LAMP1: variants seen among roughly 807,000 people sequenced by gnomAD.
The protein encoded by LAMP1 is lysosome-associated membrane glycoprotein 1.
LAMP1 carries 7 observed loss-of-function variants against 37.5 expected under a neutral mutation model. That is an observed-to-expected ratio of 0.19 (90% CI 0.11 to 0.35). The LOEUF (loss-of-function observed/expected upper bound fraction) is 0.35, where lower values mean the gene tolerates loss of function less well. Among genes scored for constraint, LAMP1 ranks in the 10% least tolerant of loss-of-function variants. The pLI, the probability that LAMP1 is intolerant of heterozygous loss-of-function variation, is 1.00. For synonymous variants in LAMP1, 236 were observed against 229.1 expected, an observed-to-expected ratio of 1.03 and a Z score of -0.27; for missense variants, 537 against 552.8, an observed-to-expected ratio of 0.97 and a Z score of 0.29.
At chr13:113,303,513 G>GT (rs1326804455) in intron 1 of LAMP1, among the ~76,000 whole-genome samples, 4 of 151,492 alleles carry the variant, frequency 2.6e-5, no homozygotes, top group Non-Finnish European at 5.9e-5. Flanking sequence ...CTTACTTGAG[G>GT]TTTTTTGTCT....
At chr13:113,298,862 GC>G (rs1716456528) in intron 1 of LAMP1, among the ~76,000 whole-genome samples, 1 of 152,206 alleles carries the variant, frequency 6.6e-6, no homozygotes, top group African/African-American at 2.4e-5. Flanking sequence ...CTCACTTCAG[GC>G]CGGGAGCAGT....
intron 2 of LAMP1, 121 bp from the exon 3 acceptor site, chr13:113,309,522 G>A (rs1218459836): frequency 2.8e-6 from 2 of 724,728 alleles, no homozygotes; most frequent in Admixed American, 5.8e-5. Context: ...GAGTACCTCA[G>A]TAGTGATATC....
In LAMP1 at chr13:113,320,712, G is replaced by C; in HGVS notation, c.876+242G>C. On this transcript the variant is annotated intron_variant, in intron 6 of 8. Transcript: ENST00000332556. This position sits in a 1 kb window ranked among gnomAD's most constrained non-coding sequence, Gnocchi z 4.4. Reference sequence around the variant, plus strand: ...CCACAGTTGGAGTGGCTGCAGGGGAGGGCATGCAGGCCGTGCGGCCTTCTG... The same window carrying C: ...CCACAGTTGGAGTGGCTGCAGGGGACGGCATGCAGGCCGTGCGGCCTTCTG... 1 of 517,302 alleles carries C rather than the reference G, an allele frequency of 1.9e-6. No homozygotes were observed. Among genetic ancestry groups the C allele is most frequent in the Non-Finnish European group, 3.4e-6 (1 of 289,942 alleles). The allele number at this position is 517,302 out of a possible 1,614,324, so 32.0% of individuals were successfully genotyped here. A position where few individuals can be genotyped will look rare whatever the true frequency, so the allele number is the denominator to read the frequency against.
chr13:113,317,169 C>G (rs1189788817), intron 4 of LAMP1, among the ~76,000 whole-genome samples: 2 of 152,168 alleles, frequency 1.3e-5, no homozygotes, highest in Non-Finnish European at 2.9e-5. Context: ...CGGCTGTGTG[C>G]TGCTCTCCGG....
rs1439689741 is a variant in LAMP1, at chr13:113,323,525, G to T, written c.*1104G>T. 1 of 151,744 alleles carries T rather than the reference G, an allele frequency of 6.6e-6. No homozygotes were observed. The highest frequency in any genetic ancestry group is 1.5e-5 in the Non-Finnish European group (1 of 67,962). 9.4% of individuals were successfully genotyped at this position (151,744 alleles called of 1,614,324 possible). On this transcript the variant is annotated 3_prime_UTR_variant, in exon 9 of 9. Coordinates refer to ENST00000332556, the MANE Select transcript of LAMP1 (RefSeq NM_005561.4). ...GGGTGGTCTCGGTGCAGAGAGAAGG[G>T]TGTCAGGGAAACGGGGGGTGAGGGT...
intron 1 of LAMP1, among the ~76,000 whole-genome samples, chr13:113,299,568 ATT>A (rs373040979): frequency 1.4e-4 from 18 of 128,684 alleles, no homozygotes; most frequent in Non-Finnish European, 1.8e-4. Flanking sequence ...TGGCCCAAGA[ATT>A]TTTTTTTTTT....
chr13:113,300,309 C>T (rs187570473), intron 1 of LAMP1, among the ~76,000 whole-genome samples: 66 of 152,094 alleles, frequency 4.3e-4, no homozygotes, highest in Admixed American at 3.3e-3. Flanking sequence ...GGTGAAACCC[C>T]GTCTCTACTA....
chr13:113,318,936 C>A (rs1441560221), intron 4 of LAMP1, among the ~76,000 whole-genome samples: 3 of 152,232 alleles, frequency 2.0e-5, no homozygotes, highest in African/African-American at 7.2e-5. Flanking sequence ...TCCCACCTGG[C>A]CGGTCTGTGT....
intron 4 of LAMP1, among the ~76,000 whole-genome samples, chr13:113,315,577 G>C (rs1348091065): frequency 6.6e-6 from 1 of 150,926 alleles, no homozygotes; most frequent in Non-Finnish European, 1.5e-5. Flanking sequence ...TTTAGTAGAG[G>C]GGGGCGTTGC....
At position 113,321,569 on chromosome 13, in the gene LAMP1, A is replaced by G; in HGVS notation, c.956A>G (p.Lys319Arg). The change falls in exon 8 of 9, where the codon AAA (lysine) becomes AGA (arginine). Residue 319 changes from lysine to arginine, a missense_variant. Physicochemically the swap from Lys to Arg is conservative, Grantham distance 26. Coordinates refer to ENST00000332556, the MANE Select transcript of LAMP1 (RefSeq NM_005561.4). This position sits in a 1 kb window ranked among gnomAD's most constrained non-coding sequence, Gnocchi z 5.6. ...GTGTGTGTTGCAGACCCTGCCTTTA[A>G]AGCTGCCAACGGCTCCCTGCGAGCG... Reference protein sequence around the residue: ...ILPDARDPAFKAANGSLRALQ... With the variant: ...ILPDARDPAFRAANGSLRALQ... 6.2e-7 allele frequency: 1 copy of G among 1,613,986 alleles called. No homozygotes were observed. Among genetic ancestry groups the G allele is most frequent in the Non-Finnish European group, 8.5e-7 (1 of 1,180,024 alleles).
Position 113,322,467 on chromosome 13 carries a change from C to G in LAMP1, c.*46C>G. 1 of 1,561,294 alleles carries G rather than the reference C, an allele frequency of 6.4e-7. No homozygotes were observed. Among genetic ancestry groups the G allele is most frequent in the South Asian group, 1.2e-5 (1 of 85,846 alleles). Reference sequence around the variant, plus strand: ...CAGCTGCAGGGGCCTCTGTTCCTTTCTCTGGGCTTAGGGTCCTGTCGAAGG... The same window carrying G: ...CAGCTGCAGGGGCCTCTGTTCCTTTGTCTGGGCTTAGGGTCCTGTCGAAGG... On this transcript the variant is annotated 3_prime_UTR_variant, in exon 9 of 9. Transcript: ENST00000332556.
At chr13:113,319,822 A>G (rs962791632) in intron 5 of LAMP1, among the ~76,000 whole-genome samples, 166 bp downstream of exon 5, 1 of 152,248 alleles carries the variant, frequency 6.6e-6, no homozygotes, top group African/African-American at 2.4e-5. Flanking sequence ...CGTCTGTGTC[A>G]GTGAGTCCAT....
intron 4 of LAMP1, among the ~76,000 whole-genome samples, chr13:113,317,316 G>T (rs2042671325): frequency 6.6e-6 from 1 of 152,222 alleles, no homozygotes; most frequent in Non-Finnish European, 1.5e-5. Context: ...TCCGCCCTCA[G>T]CAGGAAAGAC....
At chr13:113,315,703 G>T (rs1306419547) in intron 4 of LAMP1, among the ~76,000 whole-genome samples, 1 of 151,674 alleles carries the variant, frequency 6.6e-6, no homozygotes, top group African/African-American at 2.4e-5. Flanking sequence ...ATCTAAAAAA[G>T]CTCGGGGACC....
At chr13:113,298,560 C>G (rs537287993) in intron 1 of LAMP1, among the ~76,000 whole-genome samples, 28 of 152,288 alleles carry the variant, frequency 1.8e-4, no homozygotes, top group African/African-American at 5.8e-4. Flanking sequence ...TTAAATCCCT[C>G]AGTCCCATCC....
chr13:113,301,349 G>A (rs1262641740), intron 1 of LAMP1, among the ~76,000 whole-genome samples: 4 of 151,934 alleles, frequency 2.6e-5, no homozygotes, highest in Non-Finnish European at 2.9e-5. Context: ...GGCCGGGCAC[G>A]GTGGCTGTCA....
intron 4 of LAMP1, among the ~76,000 whole-genome samples, chr13:113,317,824 C>G (rs1393995841): frequency 6.6e-6 from 1 of 151,946 alleles, no homozygotes; most frequent in African/African-American, 2.4e-5. Flanking sequence ...GTAGCTAGGA[C>G]TAAGGCGCAT....
rs370741510 is a variant in LAMP1 at position 113,320,524 on chromosome 13, T to C, written c.876+54T>C. On this transcript the variant is annotated intron_variant, in intron 6 of 8. Coordinates refer to ENST00000332556, the MANE Select transcript of LAMP1 (RefSeq NM_005561.4). The surrounding 1 kb of genome is among the most constrained non-coding windows in gnomAD (Gnocchi z 4.4). ...GCGCCCACTGTGTCTCCACCACATC[T>C]TTTTGTGCCCTGGGTCTGCTCATGG... 1.8e-5 allele frequency: 29 copies of C among 1,580,524 alleles called. No individual in the cohort carries two copies. The African/African-American group carries it at 3.0e-4, about 16-fold the overall frequency.
chr13:113,310,811 C>A lies in LAMP1; in HGVS notation c.506C>A (p.Thr169Lys). The change falls in exon 4 of 9, where the codon ACG (threonine) becomes AAG (lysine). Residue 169 changes from threonine to lysine, a missense_variant. Physicochemically the swap from Thr to Lys is moderately conservative, Grantham distance 78 (BLOSUM62 -1). Transcript: ENST00000332556. ...TQVHMNNVTV[T>K]LHDATIQAYL... Reference sequence around the variant, plus strand: ...GTCCACATGAACAACGTGACCGTAACGCTCCATGATGCCACCATCCAGGCG... The same window carrying A: ...GTCCACATGAACAACGTGACCGTAAAGCTCCATGATGCCACCATCCAGGCG... 6.2e-7 allele frequency: 1 copy of A among 1,613,794 alleles called. No individual in the cohort carries two copies. Among genetic ancestry groups the A allele is most frequent in the South Asian group, 1.1e-5 (1 of 91,050 alleles).
Sources: allele counts gnomAD v4.1 joint callset (sites outside exome capture counted in the v4.1 genomes callset), GRCh38; gene constraint gnomAD v4.1.1; non-coding constraint Gnocchi (gnomAD v3.1); transcripts MANE v1.5; gene names NCBI Gene and HGNC (gene_info 2026-07-23, HGNC 2026-07-21).